The following CSMD1 variants were observed in gnomAD, a reference collection of about 807,000 sequenced individuals.
CSMD1 encodes CUB and sushi domain-containing protein 1.
CSMD1 carries 213 observed loss-of-function variants against 417.5 expected under a neutral mutation model. The ratio of observed to expected loss-of-function variants is 0.51; its 90% CI spans 0.46 to 0.57. The LOEUF is 0.57. CSMD1 is among the 20% of genes least tolerant of loss of function. The probability of loss-of-function intolerance (pLI) is 0.00; values close to 1 mark genes in which losing one functional copy is unlikely to be tolerated. For synonymous variants in CSMD1, 2,862 were observed against 1,736.8 expected, an observed-to-expected ratio of 1.65 and a Z score of -16.11; for missense variants, 6,923 against 4,529.7, an observed-to-expected ratio of 1.53 and a Z score of -15.17.
At chr8:3,583,811 G>A (rs1017178117) in intron 9 of CSMD1, among the ~76,000 whole-genome samples, 7 of 151,988 alleles carry the variant, frequency 4.6e-5, no homozygotes. Context: ...TGTAAGGTCA[G>A]AACACAAGTA....
intron 1 of CSMD1, among the ~76,000 whole-genome samples, chr8:4,940,446 A>G (rs374426540): frequency 5.8e-4 from 88 of 152,346 alleles, no homozygotes; most frequent in Middle Eastern, 3.4e-3. Flanking sequence ...CTCTTTAATT[A>G]TAAATATACA....
intron 3 of CSMD1, among the ~76,000 whole-genome samples, chr8:4,146,908 G>T (rs1032045577): frequency 6.9e-6 from 1 of 144,210 alleles, no homozygotes; most frequent in Non-Finnish European, 1.5e-5. Context: ...CCACCGCACC[G>T]GCCAGACACA....
At chr8:4,856,299 T>C (rs1293469551) in intron 1 of CSMD1, among the ~76,000 whole-genome samples, 3 of 144,812 alleles carry the variant, frequency 2.1e-5, no homozygotes, top group Non-Finnish European at 3.0e-5. Flanking sequence ...CGGTACCAGC[T>C]GCTGCAAAAT....
intron 1 of CSMD1, among the ~76,000 whole-genome samples, chr8:4,959,044 G>C (rs1809305135): frequency 6.6e-6 from 1 of 152,144 alleles, no homozygotes; most frequent in African/African-American, 2.4e-5. Flanking sequence ...ATGCTATATA[G>C]TATATGTCAT....
Position 4,856,382 on chromosome 8 carries a change from A to G in CSMD1, c.85+137950T>C, listed in dbSNP as rs1585219471. 2.8e-5 allele frequency among the ~76,000 whole-genome samples: 4 copies of G among 145,034 alleles called. No homozygotes were observed. The Middle Eastern group carries it at 0.01, about 373-fold the overall frequency. ...CTAACGAGCAAAATAACCAGCTAAC[A>G]TCATAATGACAGGATCAAATTCACA... On this transcript the variant is annotated intron_variant, in intron 1 of 69. Coordinates refer to ENST00000635120, the MANE Select transcript of CSMD1 (RefSeq NM_033225.6).
At chr8:4,701,597 C>T (rs910373603) in intron 1 of CSMD1, among the ~76,000 whole-genome samples, 1 of 152,082 alleles carries the variant, frequency 6.6e-6, no homozygotes, top group Non-Finnish European at 1.5e-5. Context: ...GATCACAAGA[C>T]TCTCAGGTTC....
chr8:3,485,756 C>T (rs62474228), intron 11 of CSMD1, among the ~76,000 whole-genome samples: 2,156 of 124,610 alleles, frequency 0.017, 19 homozygotes, highest in Middle Eastern at 0.052. Flanking sequence ...CGAGACTCAG[C>T]CTCAAAAAAA....
intron 2 of CSMD1, among the ~76,000 whole-genome samples, chr8:4,466,479 CTA>C (rs983424969): frequency 1.1e-4 from 16 of 151,588 alleles, no homozygotes; most frequent in Non-Finnish European, 2.2e-4. Flanking sequence ...GAAATTTAGC[CTA>C]TATATTGAAC....
At position 4,267,431 on chromosome 8, in the gene CSMD1, G is replaced by A. The variant is rs192803495; in HGVS notation, c.415+152522C>T. Among the ~76,000 whole-genome samples the A allele has an allele frequency of 3.4e-3, 496 of 147,578 alleles. 66 individuals carry two copies. Among genetic ancestry groups the A allele is most frequent in the African/African-American group, 0.012 (480 of 41,104 alleles). On this transcript the variant is annotated intron_variant, in intron 3 of 69. Transcript: ENST00000635120. ...GTGAAGAAAATGATAAGCTTCTACA[G>A]CAGAGTAAAAATAGTTTAAATAATA...
intron 5 of CSMD1, among the ~76,000 whole-genome samples, chr8:3,875,486 G>A (rs1427083781): frequency 1.3e-5 from 2 of 152,092 alleles, no homozygotes; most frequent in Admixed American, 6.6e-5. Flanking sequence ...GGTTCCGAGG[G>A]TCACTGGCAT....
At chr8:4,517,335 A>ATT (rs1332879820) in intron 2 of CSMD1, among the ~76,000 whole-genome samples, 1 of 152,176 alleles carries the variant, frequency 6.6e-6, no homozygotes, top group Non-Finnish European at 1.5e-5. Flanking sequence ...ATGTGATTGC[A>ATT]CCAGTTGCTA....
intron 3 of CSMD1, among the ~76,000 whole-genome samples, chr8:4,317,350 C>T (rs768644955): frequency 6.6e-5 from 10 of 152,150 alleles, no homozygotes; most frequent in Middle Eastern, 3.2e-3. Flanking sequence ...TAGACTCCCA[C>T]GTCTGTGTTA....
intron 54 of CSMD1, among the ~76,000 whole-genome samples, chr8:2,992,167 A>AT (rs1273065496): frequency 6.6e-6 from 1 of 152,086 alleles, no homozygotes; most frequent in Non-Finnish European, 1.5e-5. Context: ...ATGAACAGAC[A>AT]TGCACACACA....
chr8:4,881,347 G>T (rs1803384008), intron 1 of CSMD1, among the ~76,000 whole-genome samples: 1 of 151,774 alleles, frequency 6.6e-6, no homozygotes, highest in Non-Finnish European at 1.5e-5. Context: ...ATATACTATG[G>T]TTACACAGTA....
At chr8:4,777,756 C>T (rs189870979) in intron 1 of CSMD1, among the ~76,000 whole-genome samples, 4 of 152,202 alleles carry the variant, frequency 2.6e-5, no homozygotes, top group African/African-American at 7.2e-5. Context: ...AATACATGCA[C>T]ATGTATCTAC....
In CSMD1 at chr8:4,194,865, A is replaced by G. The variant is rs901016612; in HGVS notation, c.416-162766T>C. 3.3e-5 allele frequency among the ~76,000 whole-genome samples: 5 copies of G among 152,204 alleles called. No individual in the cohort carries two copies. In the East Asian group the frequency reaches 7.7e-4, roughly 24 times the overall value. On this transcript the variant is annotated intron_variant, in intron 3 of 69. Coordinates refer to ENST00000635120, the MANE Select transcript of CSMD1 (RefSeq NM_033225.6). Reference sequence around the variant, plus strand: ...CAGGATCTCCCACTGTATTATACCCATTTTCATTGGTCAGCCACATAATTA... The same window carrying G: ...CAGGATCTCCCACTGTATTATACCCGTTTTCATTGGTCAGCCACATAATTA...
chr8:3,325,256 A>G (rs1806450074), intron 23 of CSMD1, among the ~76,000 whole-genome samples: 1 of 152,204 alleles, frequency 6.6e-6, no homozygotes, highest in African/African-American at 2.4e-5. Flanking sequence ...CAATGCATCC[A>G]TGACTGACTA....
intron 1 of CSMD1, among the ~76,000 whole-genome samples, chr8:4,814,478 G>A (rs539547010): frequency 7.9e-4 from 121 of 152,268 alleles, no homozygotes; most frequent in African/African-American, 2.8e-3. Context: ...AACTCCTAAA[G>A]TCAAGTGATC....
intron 3 of CSMD1, among the ~76,000 whole-genome samples, chr8:4,197,651 G>A (rs183438136): frequency 1.3e-5 from 2 of 152,342 alleles, no homozygotes; most frequent in East Asian, 3.9e-4. Flanking sequence ...GGCCGAGGCA[G>A]GTGGATCATT....
Sources: allele counts gnomAD v4.1 joint callset (sites outside exome capture counted in the v4.1 genomes callset), GRCh38; gene constraint gnomAD v4.1.1; transcripts MANE v1.5; gene names NCBI Gene and HGNC (gene_info 2026-07-23, HGNC 2026-07-21).